The following SEL1L variants were observed in gnomAD, a reference collection of about 807,000 sequenced individuals.
SEL1L encodes the protein SEL1L adaptor subunit of SYVN1 ubiquitin ligase.
A neutral mutation model predicts 109.8 loss-of-function variants in SEL1L; 52 were observed. The ratio of observed to expected loss-of-function variants is 0.47; its 90% CI spans 0.38 to 0.60. SEL1L has a LOEUF of 0.60. Among genes scored for constraint, SEL1L ranks in the 20% least tolerant of loss-of-function variants. The pLI is 0.00. For synonymous variants in SEL1L, 373 were observed against 339.6 expected, an observed-to-expected ratio of 1.10 and a Z score of -1.08; for missense variants, 749 against 962.2, an observed-to-expected ratio of 0.78 and a Z score of 2.93.
intron 10 of SEL1L, among the ~76,000 whole-genome samples, chr14:81,495,820 C>T (rs1215096867): frequency 1.3e-5 from 2 of 149,240 alleles, no homozygotes; most frequent in South Asian, 2.1e-4. Context: ...ATCTGTAATC[C>T]CAAATACTTG....
Position 81,508,304 on chromosome 14 carries a change from CTA to C in SEL1L, c.341-2065_341-2064del, listed in dbSNP as rs1450349091. 5.9e-5 allele frequency among the ~76,000 whole-genome samples: 9 copies of C among 152,170 alleles called. No individual in the cohort carries two copies. The South Asian group carries it at 1.9e-3, about 32-fold the overall frequency. On this transcript the variant is annotated intron_variant, in intron 3 of 20. Coordinates refer to ENST00000336735, the MANE Select transcript of SEL1L (RefSeq NM_005065.6). ...ATAACTTTTTTTACCTTTGCTTTGT[CTA>C]TGTTTTAAAGAAAGGATCTCTAATG... is the stretch of plus-strand genomic sequence containing the variant.
At position 81,510,512 on chromosome 14, in the gene SEL1L, C is replaced by CTATATA. The variant is rs1342094383; in HGVS notation, c.341-4272_341-4271insTATATA. ...TCTCTCTCTCTCTCTCTCTCTCTCT[C>CTATATA]TCTATATATATATATATAGACAATT... On this transcript the variant is annotated intron_variant, in intron 3 of 20. Transcript: ENST00000336735. Among the ~76,000 whole-genome samples the CTATATA allele has an allele frequency of 4.2e-3, 444 of 106,680 alleles. 1 individual carries two copies. The highest frequency in any genetic ancestry group is 0.011 in the South Asian group (35 of 3,056). 70.0% of individuals were successfully genotyped at this position (106,680 alleles called of 152,430 possible).
chr14:81,505,953 G>C (rs1025820646), intron 4 of SEL1L, 121 bp downstream of exon 4: 4 of 917,600 alleles, frequency 4.4e-6, no homozygotes, highest in Non-Finnish European at 6.6e-6. Flanking sequence ...AGGCTGTAAT[G>C]ACATCAGCAA....
rs1483808809 is a variant in SEL1L at position 81,487,961 on chromosome 14, T to C, written c.1396-19A>G. ...CATAATTCTGTAGAAAAAGATGTCA[T>C]ATGATGAGAAAGCTCAAAAGGCAGA... On this transcript the variant is annotated intron_variant, in intron 14 of 20. Transcript: ENST00000336735. 1.3e-6 allele frequency: 2 copies of C among 1,592,036 alleles called. No homozygotes were observed. Among genetic ancestry groups the C allele is most frequent in the Non-Finnish European group, 1.7e-6 (2 of 1,161,866 alleles).
chr14:81,482,418 C>T (rs1217599396), intron 19 of SEL1L, among the ~76,000 whole-genome samples: 1 of 152,138 alleles, frequency 6.6e-6, no homozygotes, highest in African/African-American at 2.4e-5. Flanking sequence ...GGGGCTCATA[C>T]CTGCAATCCC....
chr14:81,501,224 C>G (rs1883992893), intron 6 of SEL1L, among the ~76,000 whole-genome samples: 1 of 152,188 alleles, frequency 6.6e-6, no homozygotes, highest in Non-Finnish European at 1.5e-5. Flanking sequence ...TACATCAAAT[C>G]TAGCATGAGC....
At chr14:81,484,614 A>G in intron 18 of SEL1L, 1 of 431,452 alleles carries the variant, frequency 2.3e-6, no homozygotes, top group Non-Finnish European at 4.2e-6. Context: ...GAATACAGAG[A>G]GGTAAAACCA....
rs1249895860 is a variant in SEL1L at position 81,475,944 on chromosome 14, T to C, written c.*1028A>G. 6.6e-6 allele frequency: 1 copy of C among 152,220 alleles called. No homozygotes were observed. The highest frequency in any genetic ancestry group is 1.5e-5 in the Non-Finnish European group (1 of 68,042). 9.4% of individuals were successfully genotyped at this position (152,220 alleles called of 1,614,324 possible). A position where few individuals can be genotyped will look rare whatever the true frequency, so the allele number is the denominator to read the frequency against. ...TTTGATTCTCTGAGTTTTAGTATTA[T>C]AATAGTAGTCACTGTAAGCCATACC... On this transcript the variant is annotated 3_prime_UTR_variant, in exon 21 of 21. Coordinates refer to ENST00000336735, the MANE Select transcript of SEL1L (RefSeq NM_005065.6).
At chr14:81,513,757 C>T (rs946125594) in intron 3 of SEL1L, among the ~76,000 whole-genome samples, 1 of 152,112 alleles carries the variant, frequency 6.6e-6, no homozygotes, top group Admixed American at 6.5e-5. Flanking sequence ...TCTCTAACCA[C>T]CCCCAACTCT....
intron 1 of SEL1L, among the ~76,000 whole-genome samples, chr14:81,530,981 A>G (rs1885299021): frequency 6.6e-6 from 1 of 152,238 alleles, no homozygotes; most frequent in African/African-American, 2.4e-5. Flanking sequence ...TATGGTGTAA[A>G]AGATTACAAA....
At chr14:81,493,760 T>C (rs998056385) in intron 11 of SEL1L, among the ~76,000 whole-genome samples, 1 of 152,178 alleles carries the variant, frequency 6.6e-6, no homozygotes, top group Non-Finnish European at 1.5e-5. Context: ...ATCTTCATAC[T>C]GCCAATCTAA....
intron 10 of SEL1L, among the ~76,000 whole-genome samples, chr14:81,496,637 G>A (rs866317605): frequency 1.3e-5 from 2 of 152,328 alleles, no homozygotes; most frequent in East Asian, 1.9e-4. Flanking sequence ...TACTTGGGGA[G>A]GTTAAGGCAC....
At chr14:81,493,127 G>T (rs1018176169) in intron 11 of SEL1L, among the ~76,000 whole-genome samples, 12 of 152,238 alleles carry the variant, frequency 7.9e-5, no homozygotes, top group Middle Eastern at 3.4e-3. Context: ...TGTACCATTG[G>T]TTATTCCTCT....
intron 14 of SEL1L, among the ~76,000 whole-genome samples, chr14:81,488,340 T>C (rs1327267753): frequency 6.6e-6 from 1 of 152,170 alleles, no homozygotes; most frequent in African/African-American, 2.4e-5. Context: ...TACCAAACAC[T>C]ATGACTATTA....
chr14:81,474,980 T>C lies in SEL1L; in HGVS notation c.*1992A>G, dbSNP rs905370114. On this transcript the variant is annotated 3_prime_UTR_variant, in exon 21 of 21. Coordinates refer to ENST00000336735, the MANE Select transcript of SEL1L (RefSeq NM_005065.6). ...TATAAAAATCTTGCTAAAGGAAAAA[T>C]GAGGGTGGATGGCAGAAGAAAAAAG... is the stretch of plus-strand genomic sequence containing the variant. 1 of 151,938 alleles carries C rather than the reference T, an allele frequency of 6.6e-6. No individual in the cohort carries two copies. The highest frequency in any genetic ancestry group is 2.4e-5 in the African/African-American group (1 of 41,362). The allele number at this position is 151,938 out of a possible 1,614,324, so 9.4% of individuals were successfully genotyped here.
At chr14:81,525,536 T>G (rs1885078693) in intron 3 of SEL1L, among the ~76,000 whole-genome samples, 1 of 151,076 alleles carries the variant, frequency 6.6e-6, no homozygotes, top group Admixed American at 6.7e-5. Flanking sequence ...AGAGGTATTT[T>G]CAGAGGAAGT....
At chr14:81,502,161 G>A (rs1229868180) in intron 6 of SEL1L, among the ~76,000 whole-genome samples, 2 of 152,130 alleles carry the variant, frequency 1.3e-5, no homozygotes, top group South Asian at 2.1e-4. Flanking sequence ...CAGAACAATA[G>A]ACAGTGATAT....
intron 1 of SEL1L, among the ~76,000 whole-genome samples, chr14:81,531,329 A>C (rs1885313876): frequency 6.6e-6 from 1 of 152,238 alleles, no homozygotes; most frequent in African/African-American, 2.4e-5. Context: ...AACAGCTATC[A>C]ACAGCAATAG....
rs546452953 is a variant in SEL1L, at chr14:81,518,668, A to G, written c.340+8065T>C. ...AGAGCGAGACTTCGTCTAAAAAAAA[A>G]AAAAAAAAAAAAGGTAAAAAGATTA... On this transcript the variant is annotated intron_variant, in intron 3 of 20. Coordinates refer to ENST00000336735, the MANE Select transcript of SEL1L (RefSeq NM_005065.6). Among the ~76,000 whole-genome samples, 3 of 150,766 alleles carry G rather than the reference A, an allele frequency of 2.0e-5. No homozygotes were observed. The East Asian group carries it at 5.8e-4, about 29-fold the overall frequency.
Sources: gnomAD v4.1 joint callset for allele counts (sites outside exome capture counted in the v4.1 genomes callset) on GRCh38, gnomAD v4.1.1 for gene constraint, MANE v1.5 for transcripts, NCBI Gene and HGNC (gene_info 2026-07-23, HGNC 2026-07-21) for gene names.